The following HFM1 variants were observed in gnomAD, a reference collection of about 807,000 sequenced individuals.
HFM1 encodes the protein probable ATP-dependent DNA helicase HFM1.
HFM1 carries 169 observed loss-of-function variants against 192.1 expected under a neutral mutation model. That is an observed-to-expected ratio of 0.88 (90% confidence interval 0.78 to 1.00). The LOEUF (loss-of-function observed/expected upper bound fraction) is 1.00, where lower values mean the gene tolerates loss of function less well. HFM1 is among the 50% of genes least tolerant of loss of function. The pLI is 0.00. For missense variants in HFM1, 1,661 were observed against 1,668.0 expected, an observed-to-expected ratio of 1.00 and a Z score of 0.07; for synonymous variants, 525 against 537.8, an observed-to-expected ratio of 0.98 and a Z score of 0.33.
At chr1:91,359,258 C>G (rs202201919) in intron 13 of HFM1, among the ~76,000 whole-genome samples, 1 of 152,086 alleles carries the variant, frequency 6.6e-6, no homozygotes, top group East Asian at 1.9e-4. Context: ...GCTGAGATGG[C>G]TGAATCGACA....
chr1:91,398,819 A>G (rs1002002395), intron 2 of HFM1, among the ~76,000 whole-genome samples: 1 of 151,810 alleles, frequency 6.6e-6, no homozygotes, highest in East Asian at 1.9e-4. Flanking sequence ...CAGCCTCCCC[A>G]GTAGCTGGGA....
In HFM1 at chr1:91,327,958, A is replaced by G. The variant is rs190883426; in HGVS notation, c.2336-3192T>C. On this transcript the variant is annotated intron_variant, in intron 20 of 38. Coordinates refer to ENST00000370425, the MANE Select transcript of HFM1 (RefSeq NM_001017975.6). ...CACAACATACCAAAACCAATGGGAT[A>G]CAGCAAAAGTAGTATGAAGAGGAAA... is the stretch of plus-strand genomic sequence containing the variant. Among the ~76,000 whole-genome samples, 936 of 152,336 alleles carry G rather than the reference A, an allele frequency of 6.1e-3. 7 individuals are homozygous for G. Among genetic ancestry groups the G allele is most frequent in the African/African-American group, 0.021 (887 of 41,582 alleles).
rs1661121324 is a variant in HFM1, at chr1:91,378,108, C to T, written c.1312G>A (p.Val438Ile). Residue 438 changes from valine to isoleucine, a missense_variant, in exon 11 of 39, where the codon GTT becomes ATT. Val to Ile is a conservative substitution (Grantham distance 29, BLOSUM62 3). Coordinates refer to ENST00000370425, the MANE Select transcript of HFM1 (RefSeq NM_001017975.6). Reference sequence around the variant, plus strand: ...CTGGTATTTTTTAAAGTCTGAGAAACAGACTGTACAGTTTTCATTCTGCTA... The same window carrying T: ...CTGGTATTTTTTAAAGTCTGAGAAATAGACTGTACAGTTTTCATTCTGCTA... ...VVSRMKTVQS[V>I]SQTLKNTSTA... 6.2e-7 allele frequency: 1 copy of T among 1,611,506 alleles called. No homozygotes were observed. Among genetic ancestry groups the T allele is most frequent in the Non-Finnish European group, 8.5e-7 (1 of 1,178,506 alleles).
chr1:91,385,520 A>G (rs1662088667), intron 5 of HFM1, 55 bp downstream of exon 5: 1 of 1,401,974 alleles, frequency 7.1e-7, no homozygotes, highest in Non-Finnish European at 9.8e-7. Flanking sequence ...CCCCCATGCT[A>G]AGAAATGTGG....
rs1165129586 is a variant in HFM1 at position 91,260,880 on chromosome 1, A to T, written c.*410T>A. 6.5e-6 allele frequency: 1 copy of T among 152,678 alleles called. No homozygotes were observed. The highest frequency in any genetic ancestry group is 1.5e-5 in the Non-Finnish European group (1 of 68,354). 9.5% of individuals were successfully genotyped at this position (152,678 alleles called of 1,614,324 possible). A position where few individuals can be genotyped will look rare whatever the true frequency, so the allele number is the denominator to read the frequency against. On this transcript the variant is annotated 3_prime_UTR_variant, in exon 39 of 39. Coordinates refer to ENST00000370425, the MANE Select transcript of HFM1 (RefSeq NM_001017975.6). ...AAAATACATGGGAATAATATTAGTG[A>T]TTAATCCATACAATAAGCAGATTCA...
chr1:91,375,376 G>T lies in HFM1; in HGVS notation c.1667C>A (p.Thr556Asn). The T allele has an allele frequency of 6.2e-7, 1 of 1,611,858 alleles. No homozygotes were observed. The highest frequency in any genetic ancestry group is 8.5e-7 in the Non-Finnish European group (1 of 1,178,410). The change falls in exon 13 of 39, where the codon ACT (threonine) becomes AAT (asparagine). Residue 556 changes from threonine to asparagine, a missense_variant. Transcript: ENST00000370425. ...VLVKDAKFIM[T>N]VEQKQRLQKY... ...ACTATACCTCTGTTTCTGTTCCACA[G>T]TCATAATAAATTTAGCATCTTTCAC...
At chr1:91,341,880 G>A (rs1457933850) in intron 20 of HFM1, among the ~76,000 whole-genome samples, 1 of 151,664 alleles carries the variant, frequency 6.6e-6, no homozygotes, top group Non-Finnish European at 1.5e-5. Flanking sequence ...AACCTCCCAA[G>A]GTTGATCCAG....
chr1:91,315,771 A>G lies in HFM1; in HGVS notation c.3140+44T>C, dbSNP rs995103144. 7.4e-6 allele frequency: 11 copies of G among 1,481,004 alleles called. No individual in the cohort carries two copies. The African/African-American group carries it at 1.1e-4, about 15-fold the overall frequency. The allele number at this position is 1,481,004 out of a possible 1,614,324, so 91.7% of individuals were successfully genotyped here. ...TTCAGTAGAATTTTTCTTTTACAGT[A>G]TATGCTTAGAAATAAGATCAAACAT... On this transcript the variant is annotated intron_variant, in intron 28 of 38. Transcript: ENST00000370425.
chr1:91,375,768 G>T, intron 11 of HFM1, 41 bp from the exon 12 acceptor site: 1 of 1,571,810 alleles, frequency 6.4e-7, no homozygotes, highest in Non-Finnish European at 8.7e-7. Flanking sequence ...TTTTCTTCTA[G>T]TAAAGTTTTA....
intron 6 of HFM1, among the ~76,000 whole-genome samples, chr1:91,383,838 T>C (rs1342535200): frequency 2.0e-5 from 3 of 152,172 alleles, no homozygotes; most frequent in Admixed American, 6.6e-5. Context: ...GAAGTAACTA[T>C]GAGAGGCGAT....
At chr1:91,364,885 G>A (rs977462469) in intron 13 of HFM1, among the ~76,000 whole-genome samples, 12 of 151,304 alleles carry the variant, frequency 7.9e-5, no homozygotes, top group East Asian at 1.9e-4. Flanking sequence ...CGCCTGCCTC[G>A]GCCTCCCAAA....
intron 36 of HFM1, among the ~76,000 whole-genome samples, chr1:91,263,930 A>G (rs912763215): frequency 6.6e-6 from 1 of 152,130 alleles, no homozygotes; most frequent in African/African-American, 2.4e-5. Context: ...AAAACTGTTC[A>G]TATGCCTTGT....
chr1:91,352,228 TA>T (rs778340523), intron 16 of HFM1, among the ~76,000 whole-genome samples: 6,957 of 132,260 alleles, frequency 0.053, 195 homozygotes, highest in Non-Finnish European at 0.072. Flanking sequence ...ATTCAGAATT[TA>T]AAAAAAAAAA....
intron 30 of HFM1, among the ~76,000 whole-genome samples, chr1:91,304,043 T>C (rs1455657366): frequency 1.3e-5 from 2 of 151,920 alleles, no homozygotes; most frequent in Non-Finnish European, 2.9e-5. Context: ...TTAGTAGAGA[T>C]GGGGTTTCAC....
At chr1:91,320,951 T>C (rs1226397165) in intron 23 of HFM1, among the ~76,000 whole-genome samples, 1 of 152,108 alleles carries the variant, frequency 6.6e-6, no homozygotes, top group African/African-American at 2.4e-5. Flanking sequence ...GACCAGACCA[T>C]ATCAGTTTAC....
intron 20 of HFM1, among the ~76,000 whole-genome samples, chr1:91,327,176 T>A (rs1653046024): frequency 6.6e-6 from 1 of 152,142 alleles, no homozygotes; most frequent in Non-Finnish European, 1.5e-5. Context: ...TTCCTACTTA[T>A]CAATAATAAC....
chr1:91,352,040 G>T (rs1026461737), intron 16 of HFM1, among the ~76,000 whole-genome samples: 4 of 151,686 alleles, frequency 2.6e-5, no homozygotes, highest in Non-Finnish European at 4.4e-5. Context: ...CTATAAAAAT[G>T]ACTTATTCAT....
intron 3 of HFM1, among the ~76,000 whole-genome samples, chr1:91,395,147 T>C (rs1312827361): frequency 2.0e-5 from 3 of 152,084 alleles, no homozygotes; most frequent in Non-Finnish European, 4.4e-5. Flanking sequence ...ATTGTTTGAG[T>C]GTGCTTGTTT....
intron 11 of HFM1, among the ~76,000 whole-genome samples, chr1:91,376,152 T>C (rs1660885292): frequency 6.6e-6 from 1 of 151,954 alleles, no homozygotes; most frequent in South Asian, 2.1e-4. Flanking sequence ...TAATAGTTGG[T>C]TTAGGTTGGC....
Sources: gnomAD v4.1 joint callset for allele counts (sites outside exome capture counted in the v4.1 genomes callset) on GRCh38, gnomAD v4.1.1 for gene constraint, MANE v1.5 for transcripts, NCBI Gene and HGNC (gene_info 2026-07-23, HGNC 2026-07-21) for gene names.